NBPF15: variants seen among roughly 807,000 people sequenced by gnomAD.
NBPF15 encodes the protein NBPF member 15.
A neutral mutation model predicts 62.2 loss-of-function variants in NBPF15; 74 were observed. That is an observed-to-expected ratio of 1.19 (90% CI 0.99 to 1.44). The LOEUF (loss-of-function observed/expected upper bound fraction) is 1.44, where lower values mean the gene tolerates loss of function less well. Ranked by LOEUF, NBPF15 falls within the 40% of genes most tolerant of loss-of-function variation. The pLI is 0.00. For synonymous variants in NBPF15, 244 were observed against 209.7 expected (o/e 1.16, Z -1.41); for missense variants, 790 against 550.0 (o/e 1.44, Z -4.36).
intron 15 of NBPF15, 73 bp from the exon 16 acceptor site, chr1:144,428,063 G>T: frequency 6.4e-6 from 5 of 784,762 alleles, no homozygotes; most frequent in Admixed American, 5.2e-5. Context: ...TAGATTTCAT[G>T]GCTAACATAA....
At chr1:144,427,419 G>A (rs1670538249) in intron 16 of NBPF15, among the ~76,000 whole-genome samples, 1 of 146,774 alleles carries the variant, frequency 6.8e-6, no homozygotes, top group African/African-American at 2.6e-5. Flanking sequence ...GAGAAAAACT[G>A]CACTATTCAG....
chr1:144,428,567 T>A, intron 15 of NBPF15, 39 bp downstream of exon 15: 3 of 764,322 alleles, frequency 3.9e-6, no homozygotes, highest in Non-Finnish European at 7.2e-6. Flanking sequence ...TCTCCAGGTG[T>A]CAACATCAAA....
At chr1:144,436,461 C>T (rs1553541244) in intron 10 of NBPF15, among the ~76,000 whole-genome samples, 1 of 151,846 alleles carries the variant, frequency 6.6e-6, no homozygotes, top group South Asian at 2.1e-4. Context: ...GCTTCAGACC[C>T]TTGCAAGAGA....
intron 13 of NBPF15, 116 bp downstream of exon 13, chr1:144,433,657 A>G: frequency 1.7e-6 from 1 of 584,168 alleles, no homozygotes; most frequent in East Asian, 2.8e-5. Context: ...AATCAGCACA[A>G]TTTGTAGCTG....
intron 14 of NBPF15, among the ~76,000 whole-genome samples, chr1:144,429,361 A>T (rs1553539887): frequency 6.6e-6 from 1 of 151,174 alleles, no homozygotes; most frequent in African/African-American, 2.5e-5. Context: ...CTGGCAAGAG[A>T]CATTTAATTC....
At chr1:144,445,257 T>A (rs1369013486) in intron 6 of NBPF15, among the ~76,000 whole-genome samples, 11 of 122,000 alleles carry the variant, frequency 9.0e-5, no homozygotes, top group African/African-American at 3.5e-4. Flanking sequence ...TGTGTTTGTG[T>A]GTGTCTGTAT....
chr1:144,444,593 T>A (rs1685909791), intron 6 of NBPF15, among the ~76,000 whole-genome samples: 1 of 151,924 alleles, frequency 6.6e-6, no homozygotes, highest in African/African-American at 2.4e-5. Flanking sequence ...TCTTCAGGAC[T>A]CAGACTTAGT....
At chr1:144,454,815 T>C (rs1693349075) in intron 4 of NBPF15, among the ~76,000 whole-genome samples, 1 of 144,860 alleles carries the variant, frequency 6.9e-6, no homozygotes, top group Admixed American at 6.8e-5. Flanking sequence ...CAGAACTTGG[T>C]GATGACTAGG....
intron 3 of NBPF15, among the ~76,000 whole-genome samples, chr1:144,458,934 A>T (rs587711461): frequency 1.3e-5 from 2 of 151,700 alleles, no homozygotes; most frequent in Non-Finnish European, 2.9e-5. Context: ...GCAGCTACTC[A>T]GGAGGCTGAG....
chr1:144,444,737 G>T (rs1427191536), intron 6 of NBPF15, among the ~76,000 whole-genome samples: 1 of 151,776 alleles, frequency 6.6e-6, no homozygotes, highest in Non-Finnish European at 1.5e-5. Context: ...TTTCCAGGCC[G>T]TTTCCCTGTA....
At chr1:144,450,396 CAG>C (rs1161741871) in intron 5 of NBPF15, among the ~76,000 whole-genome samples, 3 of 151,908 alleles carry the variant, frequency 2.0e-5, no homozygotes, top group Non-Finnish European at 2.9e-5. Context: ...CCTCTGGAGT[CAG>C]AGTGTCTCCC....
chr1:144,441,195 T>A (rs1553542584), intron 6 of NBPF15, among the ~76,000 whole-genome samples: 1 of 151,706 alleles, frequency 6.6e-6, no homozygotes, highest in Non-Finnish European at 1.5e-5. Flanking sequence ...CTTATTTTCC[T>A]GGGTATCTAT....
chr1:144,428,178 GACAC>G (rs782021320), intron 15 of NBPF15, among the ~76,000 whole-genome samples, 188 bp from the exon 16 acceptor site: 9,700 of 132,466 alleles, frequency 0.073, 768 homozygotes, highest in African/African-American at 0.24. Flanking sequence ...GAAAGAGAAA[GACAC>G]ACACACACAC....
chr1:144,457,493 TTTTA>T (rs1349828612), intron 3 of NBPF15, among the ~76,000 whole-genome samples: 4 of 152,078 alleles, frequency 2.6e-5, no homozygotes, highest in African/African-American at 9.7e-5. Flanking sequence ...ATACAAGCTA[TTTTA>T]TTTGTTAGAT....
intron 6 of NBPF15, among the ~76,000 whole-genome samples, chr1:144,445,270 G>GTA (rs59434439): frequency 0.32 from 33,961 of 104,568 alleles, 6,084 homozygotes; most frequent in Non-Finnish European, 0.42. Context: ...GTCTGTATAT[G>GTA]TATATATATA....
chr1:144,447,278 G>A (rs1191785193), intron 6 of NBPF15, among the ~76,000 whole-genome samples: 3 of 151,882 alleles, frequency 2.0e-5, no homozygotes, highest in African/African-American at 4.8e-5. Flanking sequence ...GCCTTGGTGA[G>A]GAGAATGCCT....
At chr1:144,423,424 G>A (rs1339422664) in intron 21 of NBPF15, among the ~76,000 whole-genome samples, 168 bp from the exon 22 acceptor site, 2 of 151,730 alleles carry the variant, frequency 1.3e-5, no homozygotes, top group East Asian at 1.9e-4. Context: ...ATAGAACAGG[G>A]CCAGGTAGAA....
intron 2 of NBPF15, among the ~76,000 whole-genome samples, chr1:144,460,101 G>A (rs1651557895): frequency 2.3e-5 from 2 of 88,858 alleles, no homozygotes; most frequent in South Asian, 5.6e-4. Context: ...GGAGTGCACT[G>A]CCATGATCAC....
At chr1:144,444,153 G>T (rs1488593458) in intron 6 of NBPF15, among the ~76,000 whole-genome samples, 5 of 151,166 alleles carry the variant, frequency 3.3e-5, no homozygotes, top group Admixed American at 2.6e-4. Flanking sequence ...CCGCGTTTGG[G>T]CTATTATGAA....
Sources: gnomAD v4.1 joint callset for allele counts (sites outside exome capture counted in the v4.1 genomes callset) on GRCh38, gnomAD v4.1.1 for gene constraint, MANE v1.5 for transcripts, NCBI Gene and HGNC (gene_info 2026-07-23, HGNC 2026-07-21) for gene names.